PDE6C: variants seen among roughly 807,000 people sequenced by gnomAD.
The protein encoded by PDE6C is phosphodiesterase 6C, also known as cone cGMP-specific 3',5'-cyclic phosphodiesterase subunit alpha'.
Under a neutral mutation model 113.1 loss-of-function variants are expected in PDE6C, and 75 were observed. The observed-to-expected ratio is 0.66, with a 90% CI of 0.55 to 0.80. PDE6C has a LOEUF of 0.80. Ranked by LOEUF, PDE6C falls within the 30% of genes least tolerant of loss-of-function variation. The pLI is 0.00. For synonymous variants in PDE6C, 375 were observed against 363.7 expected, an observed-to-expected ratio of 1.03 and a Z score of -0.35; for missense variants, 912 against 1,038.6, an observed-to-expected ratio of 0.88 and a Z score of 1.67.
intron 15 of PDE6C, among the ~76,000 whole-genome samples, chr10:93,646,587 C>T (rs1372053205): frequency 6.6e-6 from 1 of 152,116 alleles, no homozygotes; most frequent in Non-Finnish European, 1.5e-5. Context: ...CTGGGCAGGC[C>T]TCAAGGAGCC....
intron 3 of PDE6C, 77 bp from the exon 4 acceptor site, chr10:93,621,855 G>A: frequency 7.4e-7 from 1 of 1,351,044 alleles, no homozygotes; most frequent in Non-Finnish European, 1.1e-6. Flanking sequence ...TGCACCTCAT[G>A]TTTTCTTGTG....
chr10:93,622,160 A>C (rs2058449835), intron 4 of PDE6C, 88 bp downstream of exon 4: 3 of 1,262,982 alleles, frequency 2.4e-6, no homozygotes, highest in Non-Finnish European at 3.4e-6. Flanking sequence ...AAACAGATAC[A>C]CTATGTAAAT....
chr10:93,640,709 G>C (rs1465892057), intron 13 of PDE6C, 152 bp downstream of exon 13: 1 of 739,164 alleles, frequency 1.4e-6, no homozygotes, highest in South Asian at 1.5e-5. Context: ...GTATCCTTGA[G>C]CACCGGTGGG....
chr10:93,642,366 A>AAAAT (rs745330672), intron 14 of PDE6C, among the ~76,000 whole-genome samples: 3 of 152,198 alleles, frequency 2.0e-5, no homozygotes, highest in Non-Finnish European at 4.4e-5. Context: ...TCAGTCTCGG[A>AAAAT]AAATAAATAA....
Position 93,662,092 on chromosome 10 carries a change from C to G in PDE6C, c.2242C>G (p.Gln748Glu). Residue 748 changes from glutamine to glutamate, a missense_variant, in exon 19 of 22, where the codon CAA becomes GAA. Gln to Glu is a conservative substitution (Grantham distance 29, BLOSUM62 2). Coordinates refer to ENST00000371447, the MANE Select transcript of PDE6C (RefSeq NM_006204.4). ...ALMVANEFWE[Q>E]GDLERTVLQQ... Reference sequence around the variant, plus strand: ...TATGGTTGCAAATGAATTTTGGGAACAAGGAGATCTGGAGAGAACAGTGTT... The same window carrying G: ...TATGGTTGCAAATGAATTTTGGGAAGAAGGAGATCTGGAGAGAACAGTGTT... The G allele has an allele frequency of 6.2e-7, 1 of 1,610,344 alleles. No individual in the cohort carries two copies. Among genetic ancestry groups the G allele is most frequent in the East Asian group, 2.2e-5 (1 of 44,820 alleles).
chr10:93,623,793 T>G (rs2058459695), intron 4 of PDE6C, among the ~76,000 whole-genome samples: 1 of 152,198 alleles, frequency 6.6e-6, no homozygotes, highest in South Asian at 2.1e-4. Context: ...TTCTCTATTT[T>G]GTTTCATTGA....
chr10:93,664,531 T>C (rs1384182288), intron 21 of PDE6C, among the ~76,000 whole-genome samples: 2 of 152,216 alleles, frequency 1.3e-5, no homozygotes, highest in Non-Finnish European at 2.9e-5. Context: ...AGATATGATT[T>C]GCATTTCAAA....
chr10:93,631,665 C>T (rs937254396), intron 8 of PDE6C, among the ~76,000 whole-genome samples: 2 of 152,354 alleles, frequency 1.3e-5, no homozygotes, highest in Admixed American at 1.3e-4. Context: ...TGACCGCCCT[C>T]CCCAAACCAC....
Position 93,635,648 on chromosome 10 carries a change from G to A in PDE6C, c.1413+8G>A. ...GAAATTAAGTCCATTTTGGTAAGTGGGAAATTCAGTCCTGTGGACATAAGA... is the reference window on the plus strand; with the variant it reads ...GAAATTAAGTCCATTTTGGTAAGTGAGAAATTCAGTCCTGTGGACATAAGA... On this transcript the variant is annotated splice_region_variant and intron_variant, in intron 10 of 21. Transcript: ENST00000371447. 1 of 1,613,480 alleles carries A rather than the reference G, an allele frequency of 6.2e-7. No homozygotes were observed. Among genetic ancestry groups the A allele is most frequent in the Non-Finnish European group, 8.5e-7 (1 of 1,179,494 alleles).
chr10:93,619,447 A>G (rs1050545335), intron 1 of PDE6C, among the ~76,000 whole-genome samples: 3 of 151,934 alleles, frequency 2.0e-5, no homozygotes, highest in African/African-American at 7.3e-5. Context: ...TTTTTTTGAG[A>G]TAGAGTTTTG....
At chr10:93,629,234 C>G (rs1257264338) in intron 7 of PDE6C, 24 bp from the exon 8 acceptor site, 2 of 1,587,942 alleles carry the variant, frequency 1.3e-6, no homozygotes, top group South Asian at 1.1e-5. Flanking sequence ...TATTTCAGAC[C>G]ATTTGTCTCC....
intron 15 of PDE6C, among the ~76,000 whole-genome samples, chr10:93,651,085 A>G (rs992505204): frequency 3.9e-5 from 6 of 152,116 alleles, no homozygotes; most frequent in African/African-American, 7.2e-5. Context: ...TACTCGCTCT[A>G]TGGATTATTT....
At chr10:93,648,591 T>G (rs1453541657) in intron 15 of PDE6C, among the ~76,000 whole-genome samples, 2 of 152,206 alleles carry the variant, frequency 1.3e-5, no homozygotes, top group Non-Finnish European at 2.9e-5. Context: ...GACATTTTGT[T>G]TTGCATATTA....
At chr10:93,660,792 C>T (rs570352888) in intron 18 of PDE6C, among the ~76,000 whole-genome samples, 4 of 152,042 alleles carry the variant, frequency 2.6e-5, no homozygotes, top group African/African-American at 4.8e-5. Flanking sequence ...ATTTCAAAAT[C>T]ATTTATATCA....
In PDE6C at chr10:93,628,735, T is replaced by G. The variant is rs146461698; in HGVS notation, c.1072-523T>G. 3.4e-3 allele frequency among the ~76,000 whole-genome samples: 524 copies of G among 152,318 alleles called. 1 individual carries two copies. Among genetic ancestry groups the G allele is most frequent in the Non-Finnish European group, 5.9e-3 (403 of 68,020 alleles). ...AAAGTTGAGTGATTTCTTGTCCTTA[T>G]AGATGTGAGCAATAGTCTGTGAATT... On this transcript the variant is annotated intron_variant, in intron 7 of 21. Transcript: ENST00000371447.
At position 93,622,735 on chromosome 10, in the gene PDE6C, A is replaced by G. The variant is rs561303396; in HGVS notation, c.864+663A>G. The stretch of plus-strand genomic sequence containing the variant: ...TGCCATATAGTTGGAATCATACAGT[A>G]TGTAGCTTTTCAGACTGGCTTTTCA... On this transcript the variant is annotated intron_variant, in intron 4 of 21. Transcript: ENST00000371447. Among the ~76,000 whole-genome samples the G allele has an allele frequency of 4.1e-5, 6 of 146,300 alleles. No individual in the cohort carries two copies. In the South Asian group the frequency reaches 8.6e-4, roughly 21 times the overall value.
intron 8 of PDE6C, among the ~76,000 whole-genome samples, chr10:93,634,545 C>T (rs1313906311): frequency 6.6e-6 from 1 of 152,164 alleles, no homozygotes; most frequent in East Asian, 1.9e-4. Flanking sequence ...CTGGATCGTA[C>T]AATGTCTGTT....
intron 16 of PDE6C, among the ~76,000 whole-genome samples, chr10:93,656,144 C>T (rs73329345): frequency 0.014 from 2,066 of 152,312 alleles, 54 homozygotes; most frequent in African/African-American, 0.047. Context: ...GTTTGAATTG[C>T]AGAATGTGCA....
chr10:93,659,539 C>G (rs2058656299), intron 18 of PDE6C, among the ~76,000 whole-genome samples: 1 of 152,114 alleles, frequency 6.6e-6, no homozygotes, highest in Admixed American at 6.6e-5. Context: ...TTCCACATGG[C>G]TGGGGAGGCC....
Sources: allele counts gnomAD v4.1 joint callset (sites outside exome capture counted in the v4.1 genomes callset), GRCh38; gene constraint gnomAD v4.1.1; transcripts MANE v1.5; gene names NCBI Gene and HGNC (gene_info 2026-07-23, HGNC 2026-07-21).